AFF2: variants seen among roughly 807,000 people sequenced by gnomAD.
The protein encoded by AFF2 is ALF transcription elongation factor 2, also known as AF4/FMR2 family member 2.
In AFF2, 14 loss-of-function variants were observed where a neutral mutation model predicts 76.9. The ratio of observed to expected loss-of-function variants is 0.18; its 90% CI spans 0.12 to 0.28. The LOEUF is 0.28. Ranked by LOEUF, AFF2 falls within the 10% of genes least tolerant of loss-of-function variation. AFF2 has a pLI of 1.00. For synonymous variants in AFF2, 398 were observed against 366.7 expected (o/e 1.09, Z -0.98); for missense variants, 868 against 1,001.1 (o/e 0.87, Z 1.79).
intron 16 of AFF2, among the ~76,000 whole-genome samples, chrX:148,974,111 G>A (rs2072292244): frequency 9.0e-6 from 1 of 111,033 alleles, no homozygotes; most frequent in African/African-American, 3.3e-5. Flanking sequence ...AGATGAGGTG[G>A]TAGTAGGGGC....
intron 3 of AFF2, among the ~76,000 whole-genome samples, chrX:148,770,931 C>A (rs2069579001): frequency 8.9e-6 from 1 of 111,801 alleles, no homozygotes; most frequent in Non-Finnish European, 1.9e-5. Flanking sequence ...TGAAAATGTT[C>A]CCTAACGGAA....
chrX:148,734,014 G>A (rs1179194359), intron 3 of AFF2, among the ~76,000 whole-genome samples: 1 of 112,346 alleles, frequency 8.9e-6, no homozygotes, highest in Non-Finnish European at 1.9e-5. Context: ...AGTGGTGAGG[G>A]ACCAGAAGCC....
chrX:148,982,945 A>G (rs987078148), intron 19 of AFF2, among the ~76,000 whole-genome samples: 6 of 112,754 alleles, frequency 5.3e-5, no homozygotes, highest in South Asian at 7.3e-4. Flanking sequence ...TCAAAATATA[A>G]TAACAATTAC....
chrX:148,978,064 C>G, intron 17 of AFF2, 60 bp downstream of exon 17: 1 of 856,177 alleles, frequency 1.2e-6, no homozygotes, highest in Non-Finnish European at 1.7e-6. Flanking sequence ...TTTGAAAACT[C>G]TAGATCAACT....
intron 3 of AFF2, among the ~76,000 whole-genome samples, chrX:148,772,889 T>TA (rs1314206944): frequency 9.0e-6 from 1 of 110,782 alleles, no homozygotes; most frequent in Non-Finnish European, 1.9e-5. Context: ...CATTTTTGTT[T>TA]AAAAAATGCT....
At chrX:148,596,250 G>A (rs1467819491) in intron 1 of AFF2, among the ~76,000 whole-genome samples, 1 of 111,896 alleles carries the variant, frequency 8.9e-6, no homozygotes, top group East Asian at 2.8e-4. Context: ...CAACAGTAAA[G>A]AAGCAAAGCC....
At chrX:148,529,945 C>T (rs1275942412) in intron 1 of AFF2, among the ~76,000 whole-genome samples, 4 of 111,801 alleles carry the variant, frequency 3.6e-5, no homozygotes, top group African/African-American at 1.3e-4. Context: ...CCCTGTTGCC[C>T]ATTTGAATCT....
Position 148,662,183 on chromosome X carries a change from C to A in AFF2, c.456C>A (p.Asn152Lys). ...VILNSTLIHS[N>K]RKSKPEWSRD... ...TGAATTCAACTCTAATACACAGCAA[C>A]AGAAAATCAAAACCTGAGTGGTCAC... The change falls in exon 3 of 21, where the codon AAC (asparagine) becomes AAA (lysine). Residue 152 changes from asparagine (N) to lysine (K), a missense_variant. Physicochemically the swap from Asn to Lys is moderately conservative, Grantham distance 94. Transcript: ENST00000370460. 2 of 1,211,079 alleles carry A rather than the reference C, an allele frequency of 1.7e-6. No homozygotes were observed. Among genetic ancestry groups the A allele is most frequent in the South Asian group, 3.5e-5 (2 of 56,976 alleles).
intron 3 of AFF2, among the ~76,000 whole-genome samples, chrX:148,779,782 T>C (rs890548051): frequency 8.9e-6 from 1 of 112,162 alleles, no homozygotes; most frequent in South Asian, 3.7e-4. Context: ...AATTTGATCC[T>C]GTCGTTACGA....
rs143737579 is a variant in AFF2, at chrX:148,818,780, A to G, written c.1086+8860A>G. Among the ~76,000 whole-genome samples, 78 of 110,415 alleles carry G rather than the reference A, an allele frequency of 7.1e-4. 2 individuals are homozygous for G. In the East Asian group the frequency reaches 0.022, roughly 31 times the overall value. The stretch of plus-strand genomic sequence containing the variant: ...TGAGGCAACATCAAGGCTCCAGGTG[A>G]TATTGAAGATATTATATTTATACAG... On this transcript the variant is annotated intron_variant, in intron 4 of 20. Transcript: ENST00000370460.
chrX:148,951,487 A>G (rs1420439832), intron 9 of AFF2, among the ~76,000 whole-genome samples: 1 of 111,788 alleles, frequency 8.9e-6, no homozygotes, highest in Non-Finnish European at 1.9e-5. Context: ...AAATGATACT[A>G]GGAAACAGCC....
chrX:148,981,471 C>T (rs149268217), intron 19 of AFF2, among the ~76,000 whole-genome samples: 21 of 111,001 alleles, frequency 1.9e-4, no homozygotes. Flanking sequence ...TGGGCTTGTT[C>T]TTTATCGCTA....
intron 3 of AFF2, among the ~76,000 whole-genome samples, chrX:148,683,590 G>A (rs1456792429): frequency 4.5e-5 from 5 of 111,748 alleles, no homozygotes; most frequent in Non-Finnish European, 9.4e-5. Flanking sequence ...TTAACATGTT[G>A]GTCTTACAGG....
intron 3 of AFF2, among the ~76,000 whole-genome samples, chrX:148,699,517 A>G (rs1557261640): frequency 8.9e-6 from 1 of 111,936 alleles, no homozygotes; most frequent in African/African-American, 3.2e-5. Flanking sequence ...GAGAGCATGG[A>G]ATACACCTAT....
chrX:148,870,615 G>A (rs1179284638), intron 7 of AFF2, among the ~76,000 whole-genome samples: 1 of 112,154 alleles, frequency 8.9e-6, no homozygotes, highest in Non-Finnish European at 1.9e-5. Flanking sequence ...TCAAGGGAAG[G>A]TGGCTGTTGT....
chrX:148,753,321 C>T (rs16994703), intron 3 of AFF2, among the ~76,000 whole-genome samples: 4,031 of 111,878 alleles, frequency 0.036, 183 homozygotes, highest in African/African-American at 0.12. Context: ...ATTGTAACTG[C>T]TCTGATAGTT....
intron 8 of AFF2, among the ~76,000 whole-genome samples, chrX:148,894,892 G>GATATATAT (rs200455717): frequency 1.2e-4 from 13 of 109,615 alleles, no homozygotes; most frequent in African/African-American, 4.4e-4. Flanking sequence ...ATGTGAGATA[G>GATATATAT]ATAGATATAT....
intron 8 of AFF2, among the ~76,000 whole-genome samples, chrX:148,898,598 G>C (rs1210063444): frequency 1.8e-5 from 2 of 111,864 alleles, no homozygotes; most frequent in African/African-American, 3.3e-5. Context: ...CCTCTTCGGA[G>C]TGTAAACAAG....
At chrX:148,707,591 C>T (rs2054902600) in intron 3 of AFF2, among the ~76,000 whole-genome samples, 1 of 109,526 alleles carries the variant, frequency 9.1e-6, no homozygotes, top group African/African-American at 3.3e-5. Context: ...TTTTTGTATA[C>T]ATCATTTCAT....
Sources: allele counts gnomAD v4.1 joint callset (sites outside exome capture counted in the v4.1 genomes callset), GRCh38; gene constraint gnomAD v4.1.1; transcripts MANE v1.5; gene names NCBI Gene and HGNC (gene_info 2026-07-23, HGNC 2026-07-21).